The following AREL1 variants were observed in gnomAD, a reference collection of about 807,000 sequenced individuals.
AREL1 encodes apoptosis-resistant E3 ubiquitin protein ligase 1.
Under a neutral mutation model 99.0 loss-of-function variants are expected in AREL1, and 62 were observed. That is an observed-to-expected ratio of 0.63 (90% CI 0.51 to 0.77). The LOEUF (loss-of-function observed/expected upper bound fraction) is 0.77, where lower values mean the gene tolerates loss of function less well. Ranked by LOEUF, AREL1 falls within the 30% of genes least tolerant of loss-of-function variation. The pLI, the probability that AREL1 is intolerant of heterozygous loss-of-function variation, is 0.00. For synonymous variants in AREL1, 380 were observed against 376.5 expected, an observed-to-expected ratio of 1.01 and a Z score of -0.11; for missense variants, 879 against 1,027.6, an observed-to-expected ratio of 0.86 and a Z score of 1.98.
chr14:74,670,901 C>T (rs1463366382), intron 12 of AREL1, 30 bp from the exon 13 acceptor site: 13 of 1,584,080 alleles, frequency 8.2e-6, no homozygotes, highest in Non-Finnish European at 1.1e-5. Context: ...TAAAAAATGA[C>T]TCTGCCCTCC....
intron 15 of AREL1, among the ~76,000 whole-genome samples, chr14:74,669,220 T>C (rs981277612): frequency 2.6e-5 from 4 of 152,196 alleles, no homozygotes; most frequent in African/African-American, 9.6e-5. Context: ...TACCCAGGCA[T>C]TGTGTTAAAA....
chr14:74,667,179 G>C, intron 17 of AREL1, 140 bp downstream of exon 17: 1 of 882,978 alleles, frequency 1.1e-6, no homozygotes, highest in Non-Finnish European at 1.8e-6. Flanking sequence ...GTCAATGAAT[G>C]GAGGAGCGAC....
chr14:74,706,213 C>A (rs2090175859), intron 1 of AREL1, among the ~76,000 whole-genome samples: 1 of 152,126 alleles, frequency 6.6e-6, no homozygotes, highest in Non-Finnish European at 1.5e-5. Context: ...TTGGCTATAA[C>A]AGGAAGATTT....
chr14:74,705,159 C>G (rs1362218739), intron 1 of AREL1, among the ~76,000 whole-genome samples: 1 of 152,080 alleles, frequency 6.6e-6, no homozygotes, highest in African/African-American at 2.4e-5. Context: ...CCTGCCTCGG[C>G]CTCCCAAGTA....
At chr14:74,696,810 G>A (rs374516304) in intron 1 of AREL1, among the ~76,000 whole-genome samples, 43 of 152,056 alleles carry the variant, frequency 2.8e-4, no homozygotes, top group African/African-American at 9.2e-4. Context: ...ACTAAAATAC[G>A]AAAATTAGCC....
rs1479687784 is a variant in AREL1, at chr14:74,683,369, C to T, written c.408G>A (p.Gly136=). 1.2e-6 allele frequency: 2 copies of T among 1,613,956 alleles called. No homozygotes were observed. Among genetic ancestry groups the T allele is most frequent in the Non-Finnish European group, 1.7e-6 (2 of 1,180,018 alleles). The change falls in exon 5 of 20, where the codon GGG becomes GGA. Residue 136 remains glycine, a synonymous_variant. Coordinates refer to ENST00000356357, the MANE Select transcript of AREL1 (RefSeq NM_001039479.2). ...VKVAFTVRKA[G]RYEITVKLGG... ...CAAGCTTCACTGTGATTTCATAACG[C>T]CCAGCCTTGCGCACAGTGAAGGCCA...
intron 1 of AREL1, among the ~76,000 whole-genome samples, chr14:74,700,702 C>T (rs2090069606): frequency 4.6e-5 from 7 of 152,198 alleles, no homozygotes; most frequent in Admixed American, 4.6e-4. Flanking sequence ...ATTGCTTGAA[C>T]CCAGGAGGCA....
At chr14:74,667,707 T>A in intron 15 of AREL1, 113 bp from the exon 16 acceptor site, 1 of 1,359,888 alleles carries the variant, frequency 7.4e-7, no homozygotes, top group Non-Finnish European at 9.9e-7. Context: ...TCACTGTCAG[T>A]CACAAGTTTC....
chr14:74,669,237 T>C (rs534247032), intron 15 of AREL1, among the ~76,000 whole-genome samples: 1 of 152,250 alleles, frequency 6.6e-6, no homozygotes, highest in South Asian at 2.1e-4. Context: ...AAAATAGGAA[T>C]CACCTACATC....
In AREL1 at chr14:74,670,113, G is replaced by C. The variant is rs773537772; in HGVS notation, c.1622C>G (p.Pro541Arg). The C allele has an allele frequency of 1.2e-6, 2 of 1,607,910 alleles. No individual in the cohort carries two copies. The highest frequency in any genetic ancestry group is 3.4e-5 in the Admixed American group (2 of 59,324). Residue 541 changes from proline to arginine, a missense_variant, in exon 14 of 20, where the codon CCT (proline) becomes CGT (arginine). Pro to Arg is a moderately radical substitution (Grantham distance 103). Transcript: ENST00000356357. The part of the protein sequence containing the change: ...DNNQALVHPN[P>R]NRPAHLRLKM... ...CAGGCGCAGATGAGCGGGGCGATTA[G>C]GGTTGGGATGCACCTGTCCAAGAAA...
rs2089302626 is a variant in AREL1 at position 74,670,135 on chromosome 14, GA to G, written c.1609-10del. ...TTAGGGTTGGGATGCACCTGTCCAA[GA>G]AAGAGACTGAAAGGCCCTGGGCCAT... On this transcript the variant is annotated splice_polypyrimidine_tract_variant and intron_variant, in intron 13 of 19. Coordinates refer to ENST00000356357, the MANE Select transcript of AREL1 (RefSeq NM_001039479.2). 1.9e-6 allele frequency: 3 copies of G among 1,578,206 alleles called. No homozygotes were observed. Among genetic ancestry groups the G allele is most frequent in the Non-Finnish European group, 2.6e-6 (3 of 1,160,170 alleles).
chr14:74,692,563 T>C (rs1369788806), intron 1 of AREL1, among the ~76,000 whole-genome samples: 2 of 152,230 alleles, frequency 1.3e-5, no homozygotes, highest in South Asian at 2.1e-4. Context: ...TGTCTATAAC[T>C]ATGTCTCCGG....
chr14:74,681,101 G>C (rs1484452103), intron 5 of AREL1, among the ~76,000 whole-genome samples: 1 of 151,958 alleles, frequency 6.6e-6, no homozygotes, highest in African/African-American at 2.4e-5. Context: ...TGGAAGGATT[G>C]CTTGGGCCCA....
At chr14:74,711,605 T>C (rs1484417989) in intron 1 of AREL1, among the ~76,000 whole-genome samples, 1 of 152,036 alleles carries the variant, frequency 6.6e-6, no homozygotes, top group Non-Finnish European at 1.5e-5. Context: ...CCACACATCC[T>C]CAAGTTGGAA....
rs1260267091 is a variant in AREL1 at position 74,663,549 on chromosome 14, C to A, written c.*171G>T. ...GCCTGTGGTAGATATGGGCAGGGAG[C>A]AGGTGAGGTAAAGACAAGGCTTGTA... On this transcript the variant is annotated 3_prime_UTR_variant, in exon 20 of 20. Transcript: ENST00000356357. 4.4e-6 allele frequency: 3 copies of A among 684,478 alleles called. No individual in the cohort carries two copies. Among genetic ancestry groups the A allele is most frequent in the Non-Finnish European group, 7.8e-6 (3 of 385,436 alleles). The allele number at this position is 684,478 out of a possible 1,614,324, so 42.4% of individuals were successfully genotyped here. A position where few individuals can be genotyped will look rare whatever the true frequency, so the allele number is the denominator to read the frequency against.
At position 74,708,267 on chromosome 14, in the gene AREL1, C is replaced by T. The variant is rs1433920072; in HGVS notation, c.-334+4666G>A. ...AAACAATTTAATTACAGATGGTGCTCCCCTTTACATTCTCACTCCCCCTTA... is the reference window on the plus strand; with the variant it reads ...AAACAATTTAATTACAGATGGTGCTTCCCTTTACATTCTCACTCCCCCTTA... On this transcript the variant is annotated intron_variant, in intron 1 of 19. Transcript: ENST00000356357. Among the ~76,000 whole-genome samples the T allele has an allele frequency of 2.0e-5, 3 of 152,232 alleles. No homozygotes were observed. In the East Asian group the frequency reaches 5.8e-4, roughly 29 times the overall value.
rs552239064 is a variant in AREL1, at chr14:74,706,117, T to C, written c.-334+6816A>G. Among the ~76,000 whole-genome samples, 9 of 152,342 alleles carry C rather than the reference T, an allele frequency of 5.9e-5. No individual in the cohort carries two copies. In the South Asian group the frequency reaches 1.9e-3, roughly 32 times the overall value. ...TGTTTTCTATATACAAAACTGACTC[T>C]GCTATGCCTGAGCCACAGAGGACAG... On this transcript the variant is annotated intron_variant, in intron 1 of 19. Coordinates refer to ENST00000356357, the MANE Select transcript of AREL1 (RefSeq NM_001039479.2).
At chr14:74,680,553 A>G (rs1401418201) in intron 5 of AREL1, among the ~76,000 whole-genome samples, 1 of 152,232 alleles carries the variant, frequency 6.6e-6, no homozygotes, top group African/African-American at 2.4e-5. Flanking sequence ...TGCATACTAG[A>G]GAAATGAAAA....
chr14:74,713,079 T>G lies in AREL1; in HGVS notation c.-480A>C. The G allele has an allele frequency of 6.3e-7, 1 of 1,589,038 alleles. No homozygotes were observed. Among genetic ancestry groups the G allele is most frequent in the Non-Finnish European group, 8.6e-7 (1 of 1,157,614 alleles). Reference sequence around the variant, plus strand: ...CCGGCCTGGGAACCGGCTCGGGGGATTGCCCTTTCCCCAAGGAGTTTCCGC... The same window carrying G: ...CCGGCCTGGGAACCGGCTCGGGGGAGTGCCCTTTCCCCAAGGAGTTTCCGC... On this transcript the variant is annotated 5_prime_UTR_variant, in exon 1 of 20. Transcript: ENST00000356357.
Sources: gnomAD v4.1 joint callset for allele counts (sites outside exome capture counted in the v4.1 genomes callset) on GRCh38, gnomAD v4.1.1 for gene constraint, MANE v1.5 for transcripts, NCBI Gene and HGNC (gene_info 2026-07-23, HGNC 2026-07-21) for gene names.